Variants in CCDC33 observed in about 807,000 individuals in gnomAD.
The protein encoded by CCDC33 is coiled-coil domain containing 33.
Under a neutral mutation model 91.9 loss-of-function variants are expected in CCDC33, and 94 were observed. The ratio of observed to expected loss-of-function variants is 1.02; its 90% CI spans 0.87 to 1.21. The LOEUF (loss-of-function observed/expected upper bound fraction) is 1.21, where lower values mean the gene tolerates loss of function less well. CCDC33 is among the 50% of genes most tolerant of loss of function. CCDC33 has a pLI of 0.00. For missense variants in CCDC33, 940 were observed against 935.5 expected (o/e 1.00, Z -0.06); for synonymous variants, 396 against 374.5 (o/e 1.06, Z -0.66).
intron 11 of CCDC33, among the ~76,000 whole-genome samples, chr15:74,322,312 G>T (rs375970304): frequency 7.2e-5 from 11 of 152,352 alleles, no homozygotes; most frequent in African/African-American, 2.6e-4. Flanking sequence ...AGGGGCGGGA[G>T]CAGCCAGGGC....
intron 3 of CCDC33, among the ~76,000 whole-genome samples, chr15:74,264,048 G>T (rs1383479552): frequency 6.6e-6 from 1 of 152,104 alleles, no homozygotes; most frequent in African/African-American, 2.4e-5. Flanking sequence ...GGGCCCATCT[G>T]TGCAGCAGAG....
At position 74,211,889 on chromosome 15, in the gene CCDC33, ACT is replaced by A. The variant is rs570379955; in HGVS notation, n.237-254_237-253del. Among the ~76,000 whole-genome samples, 117 of 142,674 alleles carry A rather than the reference ACT, an allele frequency of 8.2e-4. 1 individual carries two copies. Among genetic ancestry groups the A allele is most frequent in the African/African-American group, 2.9e-3 (113 of 38,432 alleles). The allele number at this position is 142,674 out of a possible 152,430, so 93.6% of individuals were successfully genotyped here. A position where few individuals can be genotyped will look rare whatever the true frequency, so the allele number is the denominator to read the frequency against. The stretch of plus-strand genomic sequence containing the variant: ...CTCCTCCTCCTTCTTTCTCTGTCTA[ACT>A]CTGTGTTTTCTCTCTATCACTCTCT... On this transcript the variant is annotated intron_variant and non_coding_transcript_variant, in intron 2 of 3. Coordinates refer to the CCDC33 transcript ENST00000558645.
chr15:74,228,189 G>T (rs942244468), intron 2 of CCDC33, among the ~76,000 whole-genome samples: 3 of 152,238 alleles, frequency 2.0e-5, no homozygotes, highest in African/African-American at 7.2e-5. Context: ...CCTTGTGGAG[G>T]CTGAAGGCGC....
intron 11 of CCDC33, among the ~76,000 whole-genome samples, chr15:74,328,824 G>A (rs181790066): frequency 4.6e-5 from 7 of 152,308 alleles, no homozygotes; most frequent in Admixed American, 3.3e-4. Flanking sequence ...GCTGGGGGCC[G>A]AGCTCTGCTT....
chr15:74,247,231 G>C (rs1230231848), intron 2 of CCDC33, among the ~76,000 whole-genome samples: 1 of 152,092 alleles, frequency 6.6e-6, no homozygotes, highest in Non-Finnish European at 1.5e-5. Context: ...AACTTTGGAG[G>C]CTGAGGCAGG....
chr15:74,218,614 C>G lies in CCDC33; in HGVS notation c.428C>G (p.Pro143Arg), dbSNP rs1244599056. 1.6e-6 allele frequency: 2 copies of G among 1,289,864 alleles called. No homozygotes were observed. Among genetic ancestry groups the G allele is most frequent in the Admixed American group, 2.3e-5 (1 of 43,572 alleles). The allele number at this position is 1,289,864 out of a possible 1,614,324, so 79.9% of individuals were successfully genotyped here. A position where few individuals can be genotyped will look rare whatever the true frequency, so the allele number is the denominator to read the frequency against. Residue 143 changes from proline to arginine, a missense_variant, in exon 2 of 3, where the codon CCG (proline) becomes CGG (arginine). Pro to Arg is a moderately radical substitution (Grantham distance 103). Transcript: ENST00000635913. The surrounding 1 kb of genome is among the most constrained non-coding windows in gnomAD (Gnocchi z 4.8). Reference sequence around the variant, plus strand: ...GGTGAGGCCATCTTCCCCATCTACCCGAGGCCAGACCAACCCCGCATGAAC... The same window carrying G: ...GGTGAGGCCATCTTCCCCATCTACCGGAGGCCAGACCAACCCCGCATGAAC...
At chr15:74,311,974 G>A (rs993368626) in intron 11 of CCDC33, 1 of 152,186 alleles carries the variant, frequency 6.6e-6, no homozygotes, top group East Asian at 1.9e-4. Flanking sequence ...GACAGTGACC[G>A]AGAAGAGATG....
chr15:74,302,514 A>T (rs2059815225), intron 11 of CCDC33: 1 of 152,258 alleles, frequency 6.6e-6, no homozygotes, highest in African/African-American at 2.4e-5. Context: ...TCAGGATCAG[A>T]TGGGAGAGGT....
intron 2 of CCDC33, among the ~76,000 whole-genome samples, chr15:74,229,848 C>G (rs1223914379): frequency 2.0e-5 from 3 of 152,252 alleles, no homozygotes; most frequent in Non-Finnish European, 2.9e-5. Flanking sequence ...GGTCCCCGCC[C>G]TTGGGGAAGA....
chr15:74,281,652 C>A, intron 9 of CCDC33, 126 bp from the exon 10 acceptor site: 1 of 827,574 alleles, frequency 1.2e-6, no homozygotes, highest in Non-Finnish European at 2.0e-6. Context: ...CAGCTCCCAC[C>A]TCCCTCCCAC....
intron 7 of CCDC33, among the ~76,000 whole-genome samples, chr15:74,276,484 C>A (rs2076453307): frequency 6.6e-6 from 1 of 152,184 alleles, no homozygotes; most frequent in Admixed American, 6.5e-5. Context: ...CCACAGCTGG[C>A]CTGTCCCCAA....
chr15:74,276,450 C>T (rs949104674), intron 7 of CCDC33, among the ~76,000 whole-genome samples: 2 of 152,174 alleles, frequency 1.3e-5, no homozygotes, highest in Non-Finnish European at 2.9e-5. Flanking sequence ...TGTGTGCCCA[C>T]CACCATCCCC....
intron 2 of CCDC33, among the ~76,000 whole-genome samples, chr15:74,255,302 G>C (rs1439967784): frequency 6.6e-6 from 1 of 152,240 alleles, no homozygotes; most frequent in Non-Finnish European, 1.5e-5. Flanking sequence ...GTGCCACACA[G>C]TCAGCAGCGG....
Position 74,237,298 on chromosome 15 carries a change from C to T in CCDC33, c.21+558C>T, listed in dbSNP as rs1276781764. On this transcript the variant is annotated intron_variant, in intron 1 of 18. Coordinates refer to ENST00000398814, the MANE Select transcript of CCDC33 (RefSeq NM_025055.5). ...GGGTGCTTAATAAAAAGCTGTGGCCCAGCAGCAGGGCTCTGTCAGGAAGGG... is the reference window on the plus strand; with the variant it reads ...GGGTGCTTAATAAAAAGCTGTGGCCTAGCAGCAGGGCTCTGTCAGGAAGGG... Among the ~76,000 whole-genome samples the T allele has an allele frequency of 2.0e-5, 3 of 152,220 alleles. No individual in the cohort carries two copies. The East Asian group carries it at 5.8e-4, about 29-fold the overall frequency.
At chr15:74,284,299 C>T (rs2059430750) in intron 10 of CCDC33, among the ~76,000 whole-genome samples, 1 of 152,214 alleles carries the variant, frequency 6.6e-6, no homozygotes, top group African/African-American at 2.4e-5. Flanking sequence ...CCATGGACCT[C>T]ATTTTGATTT....
chr15:74,209,166 G>C, intron 1 of CCDC33: 1 of 1,293,618 alleles, frequency 7.7e-7, no homozygotes, highest in Non-Finnish European at 1.0e-6. Context: ...CACAGAGCAG[G>C]GGCTGGGGCC....
At chr15:74,315,001 G>A (rs1288954781) in intron 11 of CCDC33, among the ~76,000 whole-genome samples, 5 of 152,178 alleles carry the variant, frequency 3.3e-5, no homozygotes, top group African/African-American at 7.2e-5. Flanking sequence ...CCCCACCCCC[G>A]TGTGTCTGAT....
chr15:74,256,503 T>C (rs2075869780), intron 2 of CCDC33, among the ~76,000 whole-genome samples: 1 of 152,154 alleles, frequency 6.6e-6, no homozygotes, highest in African/African-American at 2.4e-5. Context: ...GCTGGGTTGC[T>C]CATCCAGGCC....
intron 17 of CCDC33, among the ~76,000 whole-genome samples, chr15:74,334,300 G>C (rs1185150129): frequency 6.6e-6 from 1 of 151,324 alleles, no homozygotes; most frequent in Non-Finnish European, 1.5e-5. Flanking sequence ...AGGGTTCAGT[G>C]TACAATCAGG....
Sources: gnomAD v4.1 joint callset for allele counts (sites outside exome capture counted in the v4.1 genomes callset) on GRCh38, gnomAD v4.1.1 for gene constraint, Gnocchi (gnomAD v3.1) non-coding constraint, MANE v1.5 for transcripts, NCBI Gene and HGNC (gene_info 2026-07-23, HGNC 2026-07-21) for gene names.